The following CEP164 variants were observed in gnomAD, a reference collection of about 807,000 sequenced individuals.
CEP164 encodes the protein centrosomal protein 164, also known as centrosomal protein of 164 kDa.
CEP164 carries 162 observed loss-of-function variants against 182.7 expected under a neutral mutation model. The ratio of observed to expected loss-of-function variants is 0.89; its 90% CI spans 0.78 to 1.01. CEP164 has a LOEUF of 1.01. CEP164 is among the 50% of genes least tolerant of loss of function. The pLI is 0.00. For missense variants in CEP164, 1,735 were observed against 1,790.4 expected (o/e 0.97, Z 0.56); for synonymous variants, 661 against 690.0 (o/e 0.96, Z 0.66).
intron 1 of CEP164, among the ~76,000 whole-genome samples, chr11:117,329,248 C>T (rs2134611506): frequency 6.6e-6 from 1 of 152,252 alleles, no homozygotes; most frequent in East Asian, 1.9e-4. Flanking sequence ...AGGCATGCAC[C>T]ACTATTCTTG....
chr11:117,412,060 C>T lies in CEP164; in HGVS notation c.4287-12C>T, dbSNP rs1199874829. The T allele has an allele frequency of 6.2e-7, 1 of 1,613,810 alleles. No homozygotes were observed. Among genetic ancestry groups the T allele is most frequent in the Admixed American group, 1.7e-5 (1 of 59,992 alleles). ...GCCCAGCGACTGCAGTTTTCCTTCA[C>T]CTTGTGGCCAGACCTCTCTTCTCGT... On this transcript the variant is annotated splice_polypyrimidine_tract_variant and intron_variant, in intron 32 of 32. Coordinates refer to ENST00000278935, the MANE Select transcript of CEP164 (RefSeq NM_014956.5).
At chr11:117,326,046 G>C (rs747625788), upstream of CEP164, among the ~76,000 whole-genome samples, 7 of 151,748 alleles carry the variant, frequency 4.6e-5, no homozygotes, top group Non-Finnish European at 1.0e-4. Flanking sequence ...GAGTAGCTGG[G>C]ATTACAGGCA....
intron 17 of CEP164, among the ~76,000 whole-genome samples, chr11:117,391,442 C>T (rs1019606234): frequency 6.6e-6 from 1 of 152,098 alleles, no homozygotes; most frequent in Admixed American, 6.5e-5. Context: ...GAGGATGCAG[C>T]AGGCATCACA....
chr11:117,329,751 A>C (rs2035899915), intron 1 of CEP164, among the ~76,000 whole-genome samples: 1 of 150,996 alleles, frequency 6.6e-6, no homozygotes, highest in Non-Finnish European at 1.5e-5. Context: ...CATGTTGGCC[A>C]GGCTGGTCAG....
Position 117,409,177 on chromosome 11 carries a change from A to G in CEP164, c.3748+149A>G. On this transcript the variant is annotated intron_variant, in intron 29 of 32. Coordinates refer to ENST00000278935, the MANE Select transcript of CEP164 (RefSeq NM_014956.5). This position sits in a 1 kb window ranked among gnomAD's most constrained non-coding sequence, Gnocchi z 4.4. ...ACTAGGTGCTCGGTCAGTGCTGGGA[A>G]GGAATCACACCATCTAGGTTTGCCA... is the stretch of plus-strand genomic sequence containing the variant. The G allele has an allele frequency of 1.9e-6, 2 of 1,060,254 alleles. No individual in the cohort carries two copies. Among genetic ancestry groups the G allele is most frequent in the South Asian group, 3.1e-5 (2 of 64,270 alleles). 65.7% of individuals were successfully genotyped at this position (1,060,254 alleles called of 1,614,324 possible). A position where few individuals can be genotyped will look rare whatever the true frequency, so the allele number is the denominator to read the frequency against.
intron 5 of CEP164, among the ~76,000 whole-genome samples, chr11:117,359,125 G>T (rs2040641535): frequency 1.3e-5 from 2 of 152,008 alleles, no homozygotes; most frequent in African/African-American, 4.8e-5. Context: ...TTGTATTTTA[G>T]TAGAGACAGG....
chr11:117,384,169 G>A (rs567188371), intron 14 of CEP164, among the ~76,000 whole-genome samples: 27 of 152,204 alleles, frequency 1.8e-4, no homozygotes, highest in Non-Finnish European at 3.4e-4. Context: ...AACTGAGCAG[G>A]TCTAAAGGAT....
At chr11:117,393,932 G>A (rs144431652) in intron 20 of CEP164, among the ~76,000 whole-genome samples, 18 of 152,308 alleles carry the variant, frequency 1.2e-4, no homozygotes, top group Non-Finnish European at 2.2e-4. Context: ...ACTGGAACCA[G>A]TATCCCAGAC....
chr11:117,330,200 G>C (rs1390594533), intron 1 of CEP164, among the ~76,000 whole-genome samples: 5 of 152,104 alleles, frequency 3.3e-5, no homozygotes, highest in African/African-American at 1.2e-4. Context: ...TTTGTGTTCT[G>C]TTATATATTA....
intron 17 of CEP164, 67 bp downstream of exon 17, chr11:117,391,282 G>A (rs963111413): frequency 6.1e-6 from 9 of 1,466,008 alleles, no homozygotes; most frequent in African/African-American, 1.4e-5. Flanking sequence ...GGGACTGAGT[G>A]CACAAGGAGA....
intron 27 of CEP164, among the ~76,000 whole-genome samples, chr11:117,406,849 A>G (rs1014135333): frequency 2.0e-5 from 3 of 152,146 alleles, no homozygotes; most frequent in Admixed American, 6.5e-5. Context: ...TAATGCCAGC[A>G]CTTTGGGAGG....
chr11:117,400,047 T>C (rs548396408), intron 27 of CEP164, among the ~76,000 whole-genome samples: 2 of 152,352 alleles, frequency 1.3e-5, no homozygotes, highest in East Asian at 3.9e-4. Flanking sequence ...TGTGTAGTCA[T>C]GAAGTCTTTG....
rs2044891836 is a variant in CEP164, at chr11:117,393,039, G to A, written c.2529G>A (p.Val843=). 5 of 1,613,608 alleles carry A rather than the reference G, an allele frequency of 3.1e-6. No homozygotes were observed. The South Asian group carries it at 3.3e-5, about 11-fold the overall frequency. The change falls in exon 20 of 33, where the codon GTG becomes GTA. Residue 843 remains valine (V), a synonymous_variant. Coordinates refer to ENST00000278935, the MANE Select transcript of CEP164 (RefSeq NM_014956.5). ...SSLLREKRQE[V]EGEHERRLDK... is the part of the protein sequence containing the mutation. ...TCCTGCGAGAGAAGCGCCAGGAAGT[G>A]GAAGGGGAGCATGAGAGGAGGTTGG...
Position 117,380,640 on chromosome 11 carries a change from C to A in CEP164, c.1344C>A (p.Asp448Glu), listed in dbSNP as rs144135343. The stretch of plus-strand genomic sequence containing the variant: ...CCCAGCAACCACTGGGAATAGAAGA[C>A]AAGGATGACAGCCAGTCCAGCCAAG... Reference protein sequence around the residue: ...RQAQQPLGIEDKDDSQSSQDE... With the variant: ...RQAQQPLGIEEKDDSQSSQDE... Residue 448 changes from aspartate to glutamate, a missense_variant, in exon 12 of 33, where the codon GAC (aspartate) becomes GAA (glutamate). Coordinates refer to ENST00000278935, the MANE Select transcript of CEP164 (RefSeq NM_014956.5). 1.2e-6 allele frequency: 2 copies of A among 1,606,296 alleles called. No individual in the cohort carries two copies. Among genetic ancestry groups the A allele is most frequent in the Non-Finnish European group, 1.7e-6 (2 of 1,176,526 alleles).
intron 8 of CEP164, 150 bp from the exon 9 acceptor site, chr11:117,370,930 T>A (rs1018774476): frequency 5.2e-6 from 4 of 772,300 alleles, no homozygotes; most frequent in South Asian, 5.2e-5. Context: ...AAAAAAAAAA[T>A]TAACAACTGG....
chr11:117,326,887 G>A (rs2035478308), upstream of CEP164, among the ~76,000 whole-genome samples: 1 of 152,136 alleles, frequency 6.6e-6, no homozygotes, highest in South Asian at 2.1e-4. Context: ...TGATGTAATG[G>A]CCAGAACTTT....
At chr11:117,378,027 A>AT (rs796284395) in intron 11 of CEP164, among the ~76,000 whole-genome samples, 159 of 144,126 alleles carry the variant, frequency 1.1e-3, no homozygotes, top group East Asian at 2.4e-3. Context: ...TGCCCGGCTA[A>AT]TTTTTTTTTT....
At chr11:117,408,105 TTTG>T in intron 28 of CEP164, 73 bp downstream of exon 28, 1 of 1,177,150 alleles carries the variant, frequency 8.5e-7, no homozygotes. Context: ...GGTTGAGTTC[TTTG>T]GTCCTGCATC....
At chr11:117,378,198 A>C (rs951583548) in intron 11 of CEP164, among the ~76,000 whole-genome samples, 2 of 152,184 alleles carry the variant, frequency 1.3e-5, no homozygotes, top group African/African-American at 4.8e-5. Flanking sequence ...TGAATTAGAA[A>C]AGTGATTATA....
Sources: allele counts gnomAD v4.1 joint callset (sites outside exome capture counted in the v4.1 genomes callset), GRCh38; gene constraint gnomAD v4.1.1; non-coding constraint Gnocchi (gnomAD v3.1); transcripts MANE v1.5; gene names NCBI Gene and HGNC (gene_info 2026-07-23, HGNC 2026-07-21).